ONECUT1: variants seen among roughly 807,000 people sequenced by gnomAD.
ONECUT1 encodes the protein one cut homeobox 1, also known as hepatocyte nuclear factor 6.
ONECUT1 carries 12 observed loss-of-function variants against 25.6 expected under a neutral mutation model. The observed-to-expected ratio is 0.47, with a 90% CI of 0.30 to 0.76. ONECUT1 has a LOEUF of 0.76. ONECUT1 is among the 30% of genes least tolerant of loss of function. The pLI is 0.07. For missense variants in ONECUT1, 620 were observed against 651.2 expected (o/e 0.95, Z 0.52); for synonymous variants, 285 against 270.2 (o/e 1.05, Z -0.54).
rs1049617925 is a variant in ONECUT1, at chr15:52,757,438, G to A, written c.*117C>T. On this transcript the variant is annotated 3_prime_UTR_variant, in exon 2 of 2. Coordinates refer to ENST00000305901, the MANE Select transcript of ONECUT1 (RefSeq NM_004498.4). ...TTGGTTTCTTTGGACTATAAATAAC[G>A]CTTTTTTTTCTTCAAATATTTCTAA... 8 of 1,189,426 alleles carry A rather than the reference G, an allele frequency of 6.7e-6. No individual in the cohort carries two copies. Among genetic ancestry groups the A allele is most frequent in the Non-Finnish European group, 8.2e-6 (7 of 850,780 alleles). The allele number at this position is 1,189,426 out of a possible 1,614,324, so 73.7% of individuals were successfully genotyped here. A position where few individuals can be genotyped will look rare whatever the true frequency, so the allele number is the denominator to read the frequency against.
chr15:52,782,228 G>A (rs995128714), intron 1 of ONECUT1, among the ~76,000 whole-genome samples: 17 of 152,126 alleles, frequency 1.1e-4, no homozygotes, highest in African/African-American at 3.9e-4. Context: ...TTATGATACC[G>A]TAACATCTCT....
intron 1 of ONECUT1, chr15:52,787,009 T>A (rs2083880082): frequency 1.3e-5 from 2 of 152,620 alleles, no homozygotes; most frequent in South Asian, 2.1e-4. Context: ...GGCACTACCT[T>A]GGGCTCTGGA....
rs1186945318 is a variant in ONECUT1, at chr15:52,756,467, A to AG, written c.*1087dup. Among the ~76,000 whole-genome samples the AG allele has an allele frequency of 6.6e-6, 1 of 152,174 alleles. No homozygotes were observed. The highest frequency in any genetic ancestry group is 2.4e-5 in the African/African-American group (1 of 41,438). On this transcript the variant is annotated 3_prime_UTR_variant, in exon 2 of 2. Transcript: ENST00000305901. ...TTTAGTTACCCTCCCTGTTAAATTTAGTTTTCTAGTGTAAAAATGGGGTAC... is the reference window on the plus strand; with the variant it reads ...TTTAGTTACCCTCCCTGTTAAATTTAGGTTTTCTAGTGTAAAAATGGGGTAC...
chr15:52,759,852 G>T (rs1018788279), intron 1 of ONECUT1, among the ~76,000 whole-genome samples: 3 of 151,590 alleles, frequency 2.0e-5, no homozygotes, highest in Non-Finnish European at 4.4e-5. Flanking sequence ...CAAGCAGTCT[G>T]CCCACCTTGG....
At chr15:52,776,851 C>T (rs1236463111) in intron 1 of ONECUT1, among the ~76,000 whole-genome samples, 1 of 152,170 alleles carries the variant, frequency 6.6e-6, no homozygotes, top group Non-Finnish European at 1.5e-5. Flanking sequence ...GAAAACAGAC[C>T]TTTTGAGTGA....
At chr15:52,766,991 G>A (rs558015668) in intron 1 of ONECUT1, among the ~76,000 whole-genome samples, 10 of 152,314 alleles carry the variant, frequency 6.6e-5, no homozygotes, top group Admixed American at 4.6e-4. Context: ...GGCCTGGGAG[G>A]GGTGGACAGC....
intron 1 of ONECUT1, among the ~76,000 whole-genome samples, chr15:52,762,887 G>A (rs138489443): frequency 4.6e-5 from 7 of 152,104 alleles, no homozygotes; most frequent in Admixed American, 6.5e-5. Flanking sequence ...AAATTTCCAC[G>A]GAATTGATTT....
chr15:52,779,376 C>T (rs1442672844), intron 1 of ONECUT1, among the ~76,000 whole-genome samples: 1 of 152,066 alleles, frequency 6.6e-6, no homozygotes, highest in Non-Finnish European at 1.5e-5. Context: ...GCGTGAGCCA[C>T]CGTGCCTGGC....
At chr15:52,766,913 T>C (rs971169553) in intron 1 of ONECUT1, among the ~76,000 whole-genome samples, 1 of 152,194 alleles carries the variant, frequency 6.6e-6, no homozygotes, top group African/African-American at 2.4e-5. Context: ...GTGATGGACC[T>C]GTCTTCTCCA....
intron 1 of ONECUT1, among the ~76,000 whole-genome samples, chr15:52,787,546 A>G (rs1005720739): frequency 1.3e-5 from 2 of 151,478 alleles, no homozygotes; most frequent in Non-Finnish European, 2.9e-5. Flanking sequence ...CGATCAGTTA[A>G]TTAACAAACC....
At chr15:52,770,590 C>A (rs1465804763) in intron 1 of ONECUT1, among the ~76,000 whole-genome samples, 3 of 152,126 alleles carry the variant, frequency 2.0e-5, no homozygotes, top group Non-Finnish European at 4.4e-5. Flanking sequence ...CCTGGGAGCA[C>A]AAAGGGGCGG....
At chr15:52,764,813 T>C (rs940661650) in intron 1 of ONECUT1, among the ~76,000 whole-genome samples, 1 of 152,182 alleles carries the variant, frequency 6.6e-6, no homozygotes, top group Non-Finnish European at 1.5e-5. Flanking sequence ...AACCCCTCAG[T>C]AGCATGCAGG....
At chr15:52,763,493 AG>A (rs927676890) in intron 1 of ONECUT1, among the ~76,000 whole-genome samples, 3 of 152,246 alleles carry the variant, frequency 2.0e-5, no homozygotes, top group Non-Finnish European at 2.9e-5. Context: ...GTGGGTTTCA[AG>A]AAATGTAACT....
At position 52,784,318 on chromosome 15, in the gene ONECUT1, C is replaced by T. The variant is rs1381704730; in HGVS notation, c.1105+4462G>A. Among the ~76,000 whole-genome samples the T allele has an allele frequency of 6.6e-6, 1 of 152,238 alleles. No individual in the cohort carries two copies. Among genetic ancestry groups the T allele is most frequent in the Non-Finnish European group, 1.5e-5 (1 of 68,038 alleles). The stretch of plus-strand genomic sequence containing the variant: ...CTGGGTCTCTAGCAACCGCTGTGCC[C>T]TGGGTCAGGCTGGTCGCCCCAGCTA... On this transcript the variant is annotated intron_variant, in intron 1 of 1. Transcript: ENST00000305901. This position sits in a 1 kb window ranked among gnomAD's most constrained non-coding sequence, Gnocchi z 5.0.
intron 1 of ONECUT1, among the ~76,000 whole-genome samples, chr15:52,761,912 A>C (rs528309037): frequency 2.0e-5 from 3 of 152,280 alleles, no homozygotes; most frequent in African/African-American, 7.2e-5. Context: ...ATTGCATTGG[A>C]TGTGTTTGCT....
intron 1 of ONECUT1, among the ~76,000 whole-genome samples, chr15:52,778,958 C>T (rs2083821729): frequency 6.6e-6 from 1 of 151,318 alleles, no homozygotes; most frequent in South Asian, 2.1e-4. Flanking sequence ...AGAAATCTTC[C>T]TCTGGGGCAC....
At chr15:52,783,933 C>T (rs1451930908) in intron 1 of ONECUT1, among the ~76,000 whole-genome samples, 3 of 152,256 alleles carry the variant, frequency 2.0e-5, no homozygotes, top group African/African-American at 7.2e-5. Context: ...TCCTTCTCTT[C>T]CTCCTTCACA....
chr15:52,762,294 C>T (rs1280047609), intron 1 of ONECUT1, among the ~76,000 whole-genome samples: 2 of 152,192 alleles, frequency 1.3e-5, no homozygotes, highest in Admixed American at 6.5e-5. Context: ...CTCTCTCAAA[C>T]AGGGGTTCCT....
At chr15:52,771,725 T>C (rs961998365) in intron 1 of ONECUT1, among the ~76,000 whole-genome samples, 5 of 152,140 alleles carry the variant, frequency 3.3e-5, no homozygotes, top group East Asian at 1.9e-4. Context: ...AGTTCTTTAG[T>C]GGTGATTTGT....
Sources: allele counts gnomAD v4.1 joint callset (sites outside exome capture counted in the v4.1 genomes callset), GRCh38; gene constraint gnomAD v4.1.1; non-coding constraint Gnocchi (gnomAD v3.1); transcripts MANE v1.5; gene names NCBI Gene and HGNC (gene_info 2026-07-23, HGNC 2026-07-21).